MTCL3: variants seen among roughly 807,000 people sequenced by gnomAD.
MTCL3 encodes MTCL family member 3.
At chr6:127,474,647 C>T in the MTCL3 span, among the ~76,000 whole-genome samples, 1 of 151,944 alleles carries the variant, frequency 6.6e-6, no homozygotes, top group Non-Finnish European at 1.5e-5. Context: ...GTGCAATCAC[C>T]ATTCACTGCA....
the MTCL3 span, chr6:127,476,155 C>A: frequency 6.2e-7 from 1 of 1,614,172 alleles, no homozygotes; most frequent in Non-Finnish European, 8.5e-7. The surrounding 1 kb of genome is among the most constrained non-coding windows in gnomAD (Gnocchi z 4.4). Context: ...GAAGTCATCG[C>A]CCCTAAGGTC....
chr6:127,493,587 A>G, the MTCL3 span, among the ~76,000 whole-genome samples: 1 of 152,214 alleles, frequency 6.6e-6, no homozygotes, highest in African/African-American at 2.4e-5. Flanking sequence ...TGAATTTGCC[A>G]ATAAATCAGC....
chr6:127,475,997 G>T, the MTCL3 span: 1 of 1,610,724 alleles, frequency 6.2e-7, no homozygotes. The surrounding 1 kb of genome is among the most constrained non-coding windows in gnomAD (Gnocchi z 7.3). Context: ...TACTTGTTGA[G>T]CTCCGCCGTG....
the MTCL3 span, chr6:127,476,524 G>A: frequency 7.1e-7 from 1 of 1,410,210 alleles, no homozygotes; most frequent in Non-Finnish European, 9.5e-7. The surrounding 1 kb of genome is among the most constrained non-coding windows in gnomAD (Gnocchi z 4.4). Flanking sequence ...GTAAATCAAG[G>A]AAACAACCAA....
chr6:127,491,118 A>G, the MTCL3 span, among the ~76,000 whole-genome samples: 4 of 152,272 alleles, frequency 2.6e-5, no homozygotes, highest in Admixed American at 6.5e-5. Flanking sequence ...CCTTGTGAAG[A>G]TGATATGAAC....
the MTCL3 span, chr6:127,475,807 G>T: frequency 6.2e-7 from 1 of 1,612,368 alleles, no homozygotes; most frequent in African/African-American, 1.3e-5. The surrounding 1 kb of genome is among the most constrained non-coding windows in gnomAD (Gnocchi z 7.3). Context: ...GCCCAGGTGC[G>T]AGGCCAGGTC....
At chr6:127,504,730 C>G in the MTCL3 span, among the ~76,000 whole-genome samples, 21 of 152,224 alleles carry the variant, frequency 1.4e-4, no homozygotes, top group African/African-American at 4.3e-4. Flanking sequence ...CAAGTAATCT[C>G]AAAAAATTTT....
At chr6:127,516,284 T>C in the MTCL3 span, 2 of 1,526,986 alleles carry the variant, frequency 1.3e-6, no homozygotes, top group South Asian at 1.2e-5. Flanking sequence ...GCGGCCCCTT[T>C]GGGCGCCAGG....
At chr6:127,475,152 G>T in the MTCL3 span, 7 of 791,884 alleles carry the variant, frequency 8.8e-6, no homozygotes, top group Non-Finnish European at 1.3e-5. This position sits in a 1 kb window ranked among gnomAD's most constrained non-coding sequence, Gnocchi z 7.3. Context: ...CGAGGCCGGG[G>T]GTTTCAGGCC....
At chr6:127,504,097 A>G in the MTCL3 span, among the ~76,000 whole-genome samples, 3 of 152,190 alleles carry the variant, frequency 2.0e-5, no homozygotes, top group African/African-American at 7.2e-5. Context: ...TTATATACAA[A>G]TCAAGTAAAA....
At chr6:127,514,028 A>G in the MTCL3 span, among the ~76,000 whole-genome samples, 1 of 152,222 alleles carries the variant, frequency 6.6e-6, no homozygotes, top group Non-Finnish European at 1.5e-5. Flanking sequence ...AATCCCAATG[A>G]AGTTAATGCA....
At chr6:127,512,154 T>G in the MTCL3 span, among the ~76,000 whole-genome samples, 1 of 152,220 alleles carries the variant, frequency 6.6e-6, no homozygotes, top group African/African-American at 2.4e-5. Flanking sequence ...TCTCCTCCAT[T>G]TCTTTACCTT....
the MTCL3 span, chr6:127,515,461 C>T: frequency 7.2e-7 from 1 of 1,389,166 alleles, no homozygotes; most frequent in Non-Finnish European, 9.4e-7. This position sits in a 1 kb window ranked among gnomAD's most constrained non-coding sequence, Gnocchi z 4.3. Context: ...ACGCCCTAAT[C>T]CTCCCAGGCC....
the MTCL3 span, chr6:127,475,606 T>C: frequency 6.2e-7 from 1 of 1,602,356 alleles, no homozygotes; most frequent in East Asian, 2.2e-5. This position sits in a 1 kb window ranked among gnomAD's most constrained non-coding sequence, Gnocchi z 7.3. Context: ...GGAGAAGCTC[T>C]TGGGCCAGGG....
chr6:127,477,341 C>G, the MTCL3 span, among the ~76,000 whole-genome samples: 2 of 152,096 alleles, frequency 1.3e-5, no homozygotes, highest in Admixed American at 6.6e-5. Context: ...TTGAAAAGTA[C>G]AAAAGGAGGA....
chr6:127,505,170 T>C, the MTCL3 span, among the ~76,000 whole-genome samples: 3 of 152,224 alleles, frequency 2.0e-5, no homozygotes, highest in Non-Finnish European at 2.9e-5. Context: ...AGGTCTTCAG[T>C]TGTAATTTCT....
At chr6:127,510,713 G>A in the MTCL3 span, among the ~76,000 whole-genome samples, 1 of 152,186 alleles carries the variant, frequency 6.6e-6, no homozygotes, top group Non-Finnish European at 1.5e-5. Flanking sequence ...ATATGAGAGA[G>A]CACAAGTAAC....
At chr6:127,473,244 C>G in the MTCL3 span, 6 of 1,466,644 alleles carry the variant, frequency 4.1e-6, no homozygotes, top group Non-Finnish European at 5.4e-6. Flanking sequence ...AATAAACAAA[C>G]TGAAAATACT....
the MTCL3 span, among the ~76,000 whole-genome samples, chr6:127,474,406 G>A: frequency 1.3e-5 from 2 of 152,176 alleles, no homozygotes; most frequent in African/African-American, 4.8e-5. Flanking sequence ...AGCCTCCGGA[G>A]TGGCTGGGAT....
Sources: allele counts gnomAD v4.1 joint callset (sites outside exome capture counted in the v4.1 genomes callset), GRCh38; gene constraint gnomAD v4.1.1; non-coding constraint Gnocchi (gnomAD v3.1); transcripts MANE v1.5; gene names NCBI Gene and HGNC (gene_info 2026-07-23, HGNC 2026-07-21).